Variants in CENPO observed in about 807,000 individuals in gnomAD.
CENPO encodes the protein centromere protein O, also known as centromeric protein O.
Under a neutral mutation model 36.1 loss-of-function variants are expected in CENPO, and 30 were observed. The observed-to-expected ratio is 0.83, with a 90% CI of 0.62 to 1.13. The LOEUF (loss-of-function observed/expected upper bound fraction) is 1.13. Among genes scored for constraint, CENPO ranks in the 50% most tolerant of loss-of-function variants. CENPO has a pLI of 0.00. For synonymous variants in CENPO, 171 were observed against 142.3 expected (o/e 1.20, Z -1.44); for missense variants, 349 against 357.8 (o/e 0.98, Z 0.20).
chr2:24,807,305 A>G (rs1318412303), intron 3 of CENPO, among the ~76,000 whole-genome samples: 1 of 151,792 alleles, frequency 6.6e-6, no homozygotes, highest in Admixed American at 6.6e-5. Flanking sequence ...TAAGGTACCC[A>G]CTATTCTGAT....
At chr2:24,800,083 GA>G (rs1225387257) in intron 3 of CENPO, among the ~76,000 whole-genome samples, 1 of 152,166 alleles carries the variant, frequency 6.6e-6, no homozygotes, top group Non-Finnish European at 1.5e-5. Context: ...TCAGGCGTTT[GA>G]GACCAGCCTG....
chr2:24,817,501 A>T (rs1667004808), intron 6 of CENPO, among the ~76,000 whole-genome samples, 169 bp from the exon 7 acceptor site: 1 of 142,254 alleles, frequency 7.0e-6, no homozygotes, highest in East Asian at 2.2e-4. Flanking sequence ...GTGGGTCCAG[A>T]ATATCAGTGA....
At chr2:24,814,706 T>C in intron 4 of CENPO, 1 of 538,756 alleles carries the variant, frequency 1.9e-6, no homozygotes, top group South Asian at 2.2e-5. Flanking sequence ...CTGGCCCCTT[T>C]GTACAGCAGC....
intron 2 of CENPO, among the ~76,000 whole-genome samples, chr2:24,796,847 G>A (rs901446664): frequency 2.0e-5 from 3 of 152,054 alleles, no homozygotes; most frequent in Admixed American, 6.5e-5. Flanking sequence ...CCTTTGGTGT[G>A]TGTGTTGGGG....
intron 3 of CENPO, among the ~76,000 whole-genome samples, chr2:24,810,760 G>A (rs1293201252): frequency 4.6e-5 from 7 of 151,822 alleles, no homozygotes; most frequent in African/African-American, 9.7e-5. Flanking sequence ...TGCCCACCTC[G>A]GCCTCCCACA....
At position 24,821,565 on chromosome 2, in the gene CENPO, G is replaced by C; in HGVS notation, c.*2247G>C. 1.9e-6 allele frequency: 3 copies of C among 1,614,170 alleles called. No homozygotes were observed. Among genetic ancestry groups the C allele is most frequent in the Non-Finnish European group, 2.5e-6 (3 of 1,180,008 alleles). ...AAGGACTGGTTGTTGATGTTGGTGAGCGTATCCTTCATGGCCAGCGCGAAG... is the reference window on the plus strand; with the variant it reads ...AAGGACTGGTTGTTGATGTTGGTGACCGTATCCTTCATGGCCAGCGCGAAG... On this transcript the variant is annotated 3_prime_UTR_variant, in exon 8 of 8. Coordinates refer to ENST00000380834, the MANE Select transcript of CENPO (RefSeq NM_001322101.2).
Position 24,819,967 on chromosome 2 carries a change from C to T in CENPO, c.*649C>T, listed in dbSNP as rs757959559. 1.9e-6 allele frequency: 3 copies of T among 1,613,842 alleles called. No homozygotes were observed. In the South Asian group the frequency reaches 3.3e-5, roughly 18 times the overall value. On this transcript the variant is annotated 3_prime_UTR_variant, in exon 8 of 8. Coordinates refer to ENST00000380834, the MANE Select transcript of CENPO (RefSeq NM_001322101.2). ...TCCACCACCTGGTGGGGCAGTGTGACAGAGGGGCCATTGGGGAAGGTGGCT... is the reference window on the plus strand; with the variant it reads ...TCCACCACCTGGTGGGGCAGTGTGATAGAGGGGCCATTGGGGAAGGTGGCT...
At position 24,819,872 on chromosome 2, in the gene CENPO, CTTCAGTT is replaced by C; in HGVS notation, c.*556_*562del. On this transcript the variant is annotated 3_prime_UTR_variant, in exon 8 of 8. Coordinates refer to ENST00000380834, the MANE Select transcript of CENPO (RefSeq NM_001322101.2). ...TTCAATCCAGGAAGGTCGGGACTTC[CTTCAGTT>C]TCAAAAAATAAATTCTCCCTTCCGG... is the stretch of plus-strand genomic sequence containing the variant. 6.4e-7 allele frequency: 1 copy of C among 1,562,234 alleles called. No homozygotes were observed. The highest frequency in any genetic ancestry group is 8.7e-7 in the Non-Finnish European group (1 of 1,147,614).
chr2:24,795,133 C>A lies in CENPO; in HGVS notation c.46+1168C>A, dbSNP rs1032004209. On this transcript the variant is annotated intron_variant, in intron 2 of 7. Coordinates refer to ENST00000380834, the MANE Select transcript of CENPO (RefSeq NM_001322101.2). ...GGAGTAACCTGTTCTCTAGTCCAGG[C>A]CTTATTTCATTTCTGTTAAAGTAAG... Among the ~76,000 whole-genome samples, 8 of 152,172 alleles carry A rather than the reference C, an allele frequency of 5.3e-5. No individual in the cohort carries two copies. In the East Asian group the frequency reaches 1.5e-3, roughly 29 times the overall value.
chr2:24,818,890 C>T (rs986075084), intron 7 of CENPO, among the ~76,000 whole-genome samples: 1 of 152,242 alleles, frequency 6.6e-6, no homozygotes, highest in Non-Finnish European at 1.5e-5. Context: ...TGGCCCAAGG[C>T]CACGTTCAGA....
intron 3 of CENPO, among the ~76,000 whole-genome samples, chr2:24,810,946 T>C (rs1666647084): frequency 6.6e-6 from 1 of 151,986 alleles, no homozygotes; most frequent in East Asian, 1.9e-4. Context: ...TTATTTATTA[T>C]TGTTATTTTT....
In CENPO at chr2:24,821,490, C is replaced by T. The variant is rs768066518; in HGVS notation, c.*2172C>T. ...CCCTGCATGGGAAGGGAGCCTGCTG[C>T]GGGGCAGGCCAGCTGGGGGTGCTCA... is the stretch of plus-strand genomic sequence containing the variant. On this transcript the variant is annotated 3_prime_UTR_variant, in exon 8 of 8. Coordinates refer to ENST00000380834, the MANE Select transcript of CENPO (RefSeq NM_001322101.2). The T allele has an allele frequency of 1.2e-5, 20 of 1,610,982 alleles. No homozygotes were observed. Among genetic ancestry groups the T allele is most frequent in the East Asian group, 6.7e-5 (3 of 44,834 alleles).
intron 3 of CENPO, among the ~76,000 whole-genome samples, chr2:24,806,523 C>T (rs1271512975): frequency 1.3e-5 from 2 of 152,226 alleles, no homozygotes; most frequent in Non-Finnish European, 2.9e-5. Flanking sequence ...TTCTTCCTGA[C>T]AGGTTCTTAA....
intron 3 of CENPO, among the ~76,000 whole-genome samples, chr2:24,805,557 GC>G (rs1666362817): frequency 6.6e-6 from 1 of 152,228 alleles, no homozygotes; most frequent in African/African-American, 2.4e-5. Flanking sequence ...GGGACCCTCA[GC>G]TGCAGGTCTG....
intron 2 of CENPO, among the ~76,000 whole-genome samples, chr2:24,796,361 A>G (rs2084527349): frequency 6.6e-6 from 1 of 152,056 alleles, no homozygotes; most frequent in Non-Finnish European, 1.5e-5. Flanking sequence ...CTCAGAAAAA[A>G]ATAACCATTT....
chr2:24,794,887 T>C (rs1408062562), intron 2 of CENPO, among the ~76,000 whole-genome samples: 1 of 152,216 alleles, frequency 6.6e-6, no homozygotes, highest in Non-Finnish European at 1.5e-5. Context: ...CTAACTTAAA[T>C]TACAGTTTTA....
chr2:24,798,380 G>C (rs1227858843), intron 2 of CENPO, among the ~76,000 whole-genome samples: 1 of 152,042 alleles, frequency 6.6e-6, no homozygotes, highest in African/African-American at 2.4e-5. Context: ...GATCATTTAG[G>C]GTTTCTGAGA....
chr2:24,819,732 T>A lies in CENPO; in HGVS notation c.*414T>A. 1 of 595,560 alleles carries A rather than the reference T, an allele frequency of 1.7e-6. No individual in the cohort carries two copies. Among genetic ancestry groups the A allele is most frequent in the South Asian group, 2.1e-5 (1 of 47,954 alleles). The allele number at this position is 595,560 out of a possible 1,614,324, so 36.9% of individuals were successfully genotyped here. A position where few individuals can be genotyped will look rare whatever the true frequency, so the allele number is the denominator to read the frequency against. On this transcript the variant is annotated 3_prime_UTR_variant, in exon 8 of 8. Coordinates refer to ENST00000380834, the MANE Select transcript of CENPO (RefSeq NM_001322101.2). The stretch of plus-strand genomic sequence containing the variant: ...TTCAGCCCTATGCCTAAGACCCCTA[T>A]GCTGGGGACACTACAGGCACACACA...
At chr2:24,805,563 G>T (rs1458312582) in intron 3 of CENPO, among the ~76,000 whole-genome samples, 5 of 152,310 alleles carry the variant, frequency 3.3e-5, no homozygotes, top group Non-Finnish European at 5.9e-5. Flanking sequence ...CTCAGCTGCA[G>T]GTCTGTTGGA....
Sources: gnomAD v4.1 joint callset for allele counts (sites outside exome capture counted in the v4.1 genomes callset) on GRCh38, gnomAD v4.1.1 for gene constraint, MANE v1.5 for transcripts, NCBI Gene and HGNC (gene_info 2026-07-23, HGNC 2026-07-21) for gene names.